ST3GAL6: variants seen among roughly 807,000 people sequenced by gnomAD.
ST3GAL6 encodes the protein type 2 lactosamine alpha-2,3-sialyltransferase.
A neutral mutation model predicts 40.5 loss-of-function variants in ST3GAL6; 31 were observed. The observed-to-expected ratio is 0.77, with a 90% CI of 0.58 to 1.03. The LOEUF (loss-of-function observed/expected upper bound fraction) is 1.03. ST3GAL6 is among the 50% of genes least tolerant of loss of function. The pLI, the probability that ST3GAL6 is intolerant of heterozygous loss-of-function variation, is 0.00. For missense variants in ST3GAL6, 357 were observed against 393.2 expected, an observed-to-expected ratio of 0.91 and a Z score of 0.78; for synonymous variants, 129 against 136.9, an observed-to-expected ratio of 0.94 and a Z score of 0.40.
intron 5 of ST3GAL6, among the ~76,000 whole-genome samples, chr3:98,784,099 A>T (rs1559751573): frequency 6.6e-6 from 1 of 152,210 alleles, no homozygotes; most frequent in Non-Finnish European, 1.5e-5. Flanking sequence ...TTAGGGAAAC[A>T]GTGTTCTCTT....
intron 1 of ST3GAL6, among the ~76,000 whole-genome samples, chr3:98,738,000 T>C (rs2107261371): frequency 6.6e-6 from 1 of 152,142 alleles, no homozygotes; most frequent in Admixed American, 6.5e-5. Context: ...GGGGGGCAGT[T>C]TCTAATCGTT....
chr3:98,735,874 C>T (rs1935503462), intron 1 of ST3GAL6, among the ~76,000 whole-genome samples: 1 of 152,186 alleles, frequency 6.6e-6, no homozygotes, highest in South Asian at 2.1e-4. Flanking sequence ...ATTCCCTCAC[C>T]ATTGTGGGAT....
chr3:98,790,689 G>A (rs1941120261), intron 8 of ST3GAL6, among the ~76,000 whole-genome samples: 1 of 152,116 alleles, frequency 6.6e-6, no homozygotes, highest in African/African-American at 2.4e-5. Context: ...TGACTGCAGT[G>A]CTTATTCCTC....
intron 1 of ST3GAL6, among the ~76,000 whole-genome samples, chr3:98,740,354 A>AT (rs1429429016): frequency 6.7e-6 from 1 of 148,594 alleles, no homozygotes; most frequent in Non-Finnish European, 1.5e-5. Flanking sequence ...GATTTTCATT[A>AT]TTTTTTTTCT....
chr3:98,760,120 A>G (rs1937621841), upstream of ST3GAL6, among the ~76,000 whole-genome samples: 1 of 152,260 alleles, frequency 6.6e-6, no homozygotes, highest in Non-Finnish European at 1.5e-5. Flanking sequence ...CAAGCCCTAA[A>G]GACTCTTAAA....
At chr3:98,761,405 C>T (rs776706757), upstream of ST3GAL6, among the ~76,000 whole-genome samples, 18 of 152,000 alleles carry the variant, frequency 1.2e-4, no homozygotes, top group Non-Finnish European at 2.4e-4. Flanking sequence ...GTTAGGAGTT[C>T]GAGACCAGCC....
Position 98,768,518 on chromosome 3 carries a change from G to C in ST3GAL6, c.78G>C (p.Thr26=), listed in dbSNP as rs148994000. ...TACTGCATTGCATATTATGGGGAAC[G>C]AATGTCTATTGGTAAGTTTCATTTT... is the stretch of plus-strand genomic sequence containing the variant. ...YYVLHCILWG[T]NVYWVAPVEM... The change falls in exon 2 of 10, where the codon ACG becomes ACC. Residue 26 remains threonine (T), a synonymous_variant. Transcript: ENST00000483910. 6.2e-7 allele frequency: 1 copy of C among 1,608,950 alleles called. No homozygotes were observed. Among genetic ancestry groups the C allele is most frequent in the Non-Finnish European group, 8.5e-7 (1 of 1,175,698 alleles).
In ST3GAL6 at chr3:98,786,607, C is replaced by A. The variant is rs185376495; in HGVS notation, c.432-1429C>A. On this transcript the variant is annotated intron_variant, in intron 6 of 9. Coordinates refer to ENST00000483910, the MANE Select transcript of ST3GAL6 (RefSeq NM_001323368.2). ...ATGTACAGATGAAGATGTAGAGAAACCAATGTAGTCCAGGGATTTTGCTTC... is the reference window on the plus strand; with the variant it reads ...ATGTACAGATGAAGATGTAGAGAAAACAATGTAGTCCAGGGATTTTGCTTC... Among the ~76,000 whole-genome samples, 39 of 152,076 alleles carry A rather than the reference C, an allele frequency of 2.6e-4. 1 individual carries two copies. The highest frequency in any genetic ancestry group is 9.4e-4 in the African/African-American group (39 of 41,472).
At chr3:98,756,668 T>A (rs1353917292) in intron 1 of ST3GAL6, 1 of 800,620 alleles carries the variant, frequency 1.2e-6, no homozygotes, top group Non-Finnish European at 1.6e-6. Context: ...TACAGGTGCC[T>A]GCTATTTTTT....
intron 1 of ST3GAL6, among the ~76,000 whole-genome samples, chr3:98,737,902 G>C (rs1935692192): frequency 6.6e-6 from 1 of 152,144 alleles, no homozygotes; most frequent in Non-Finnish European, 1.5e-5. Context: ...ATAGTGATAT[G>C]GTTTGGATCT....
chr3:98,788,156 G>T lies in ST3GAL6; in HGVS notation c.552G>T (p.Val184=), dbSNP rs1386904691. 3.1e-6 allele frequency: 5 copies of T among 1,613,824 alleles called. No homozygotes were observed. The African/African-American group carries it at 6.7e-5, about 22-fold the overall frequency. ...TTCACAATGACCCTAATACGACAGT[G>T]ATTCTCACTGCTTTTAAGCCACATG... The part of the protein sequence containing the change: ...DPIHNDPNTT[V]ILTAFKPHDL... Residue 184 remains valine (V), a synonymous_variant, in exon 7 of 10, where the codon GTG becomes GTT. Coordinates refer to ENST00000483910, the MANE Select transcript of ST3GAL6 (RefSeq NM_001323368.2).
At chr3:98,771,546 C>A (rs1938988622) in intron 3 of ST3GAL6, among the ~76,000 whole-genome samples, 1 of 152,120 alleles carries the variant, frequency 6.6e-6, no homozygotes, top group African/African-American at 2.4e-5. Flanking sequence ...AAATAAAAAT[C>A]TGTTCAAGGC....
chr3:98,739,212 G>T (rs934071177), intron 1 of ST3GAL6, among the ~76,000 whole-genome samples: 3 of 152,094 alleles, frequency 2.0e-5, no homozygotes, highest in Admixed American at 1.3e-4. Context: ...TAAGAGGGAA[G>T]TTTATAGTGC....
intron 1 of ST3GAL6, among the ~76,000 whole-genome samples, chr3:98,742,966 C>T (rs1398173783): frequency 6.8e-6 from 1 of 146,744 alleles, no homozygotes; most frequent in Admixed American, 6.8e-5. Flanking sequence ...TCCCAAAGTG[C>T]TGGGATTACA....
intron 9 of ST3GAL6, among the ~76,000 whole-genome samples, chr3:98,793,439 G>A (rs1941373936): frequency 6.6e-6 from 1 of 152,212 alleles, no homozygotes; most frequent in African/African-American, 2.4e-5. Flanking sequence ...TTGATATGAA[G>A]GAGTCTTACT....
rs1941443277 is a variant in ST3GAL6 at position 98,794,385 on chromosome 3, A to T, written c.*624A>T. The T allele has an allele frequency of 6.6e-6, 1 of 152,174 alleles. No individual in the cohort carries two copies. Among genetic ancestry groups the T allele is most frequent in the Non-Finnish European group, 1.5e-5 (1 of 68,040 alleles). 9.4% of individuals were successfully genotyped at this position (152,174 alleles called of 1,614,324 possible). On this transcript the variant is annotated 3_prime_UTR_variant, in exon 10 of 10. Coordinates refer to ENST00000483910, the MANE Select transcript of ST3GAL6 (RefSeq NM_001323368.2). The stretch of plus-strand genomic sequence containing the variant: ...AGTAAATAACTAAAGAAAGAATACA[A>T]TTACTAAACTCTGATGGCTTTGTAT...
upstream of ST3GAL6, chr3:98,763,086 G>A: frequency 2.0e-6 from 2 of 985,400 alleles, no homozygotes; most frequent in Non-Finnish European, 2.4e-6. Flanking sequence ...TCACTGTGGA[G>A]TCCTGTACAT....
chr3:98,770,266 T>C (rs1244376701), intron 2 of ST3GAL6: 1 of 152,276 alleles, frequency 6.6e-6, no homozygotes, highest in Non-Finnish European at 1.5e-5. Context: ...TTTTCCTTGT[T>C]GTGCTCTGTC....
chr3:98,765,967 CA>C (rs1460282914), intron 1 of ST3GAL6, among the ~76,000 whole-genome samples: 1 of 152,170 alleles, frequency 6.6e-6, no homozygotes, highest in Non-Finnish European at 1.5e-5. Context: ...ATGTTTATCA[CA>C]AGGATATCCT....
Sources: gnomAD v4.1 joint callset for allele counts (sites outside exome capture counted in the v4.1 genomes callset) on GRCh38, gnomAD v4.1.1 for gene constraint, MANE v1.5 for transcripts, NCBI Gene and HGNC (gene_info 2026-07-23, HGNC 2026-07-21) for gene names.